Variants in OSBP observed in about 807,000 individuals in gnomAD.
OSBP encodes oxysterol binding protein.
In OSBP, 32 loss-of-function variants were observed where a neutral mutation model predicts 96.6. That is an observed-to-expected ratio of 0.33 (90% CI 0.25 to 0.45). OSBP has a LOEUF of 0.45. Among genes scored for constraint, OSBP ranks in the 20% least tolerant of loss-of-function variants. The probability of loss-of-function intolerance (pLI) is 1.00; values close to 1 mark genes in which losing one functional copy is unlikely to be tolerated. For synonymous variants in OSBP, 369 were observed against 389.6 expected (o/e 0.95, Z 0.62); for missense variants, 653 against 1,029.7 (o/e 0.63, Z 5.01).
At chr11:59,592,394 G>C (rs1262642988) in intron 9 of OSBP, among the ~76,000 whole-genome samples, 1 of 152,118 alleles carries the variant, frequency 6.6e-6, no homozygotes, top group African/African-American at 2.4e-5. Context: ...TGCTGCATTT[G>C]TGTTTCTGAG....
Position 59,594,100 on chromosome 11 carries a change from G to T in OSBP, c.1467C>A (p.Phe489Leu). ...GTGGGTTGAATGGCTTACTGGTGCGGAAGACAGTAGTGGAGTAGGAGGACA... is the reference window on the plus strand; with the variant it reads ...GTGGGTTGAATGGCTTACTGGTGCGTAAGACAGTAGTGGAGTAGGAGGACA... ...FTVSSYSTTV[F>L]RTSKPFNPLL... The change falls in exon 8 of 14, where the codon TTC becomes TTA. Residue 489 changes from phenylalanine (F) to leucine (L), a missense_variant. Physicochemically the swap from Phe to Leu is conservative, Grantham distance 22. Transcript: ENST00000263847. 1 of 1,614,124 alleles carries T rather than the reference G, an allele frequency of 6.2e-7. No individual in the cohort carries two copies. The highest frequency in any genetic ancestry group is 8.5e-7 in the Non-Finnish European group (1 of 1,180,004).
rs1860365187 is a variant in OSBP, at chr11:59,576,697, C to A, written c.2304G>T (p.Lys768Asn). Reference protein sequence around the residue: ...TEDGTPYDPYKALWFERKKDP... With the variant: ...TEDGTPYDPYNALWFERKKDP... ...CCTTCTTCCGCTCAAACCACAGTGC[C>A]TTATAGGGATCATATGGTGTGCCTA... The change falls in exon 14 of 14, where the codon AAG becomes AAT. Residue 768 changes from lysine (K) to asparagine (N), a missense_variant. By Grantham distance (94) the Lys-to-Asn change is moderately conservative. Around this residue, in one of 6 missense-constraint regions of OSBP, gnomAD observed 169 missense variants for 251.5 expected, o/e 0.67. Transcript: ENST00000263847. The A allele has an allele frequency of 6.2e-7, 1 of 1,613,902 alleles. No homozygotes were observed. Among genetic ancestry groups the A allele is most frequent in the Non-Finnish European group, 8.5e-7 (1 of 1,179,986 alleles).
intron 9 of OSBP, among the ~76,000 whole-genome samples, chr11:59,588,991 C>T (rs1021554446): frequency 6.6e-6 from 1 of 150,994 alleles, no homozygotes; most frequent in Non-Finnish European, 1.5e-5. Flanking sequence ...GGTGACAGAG[C>T]GAGACTCCGT....
At chr11:59,578,981 C>A (rs779145625) in intron 11 of OSBP, among the ~76,000 whole-genome samples, 8 of 152,178 alleles carry the variant, frequency 5.3e-5, no homozygotes, top group Non-Finnish European at 1.0e-4. Context: ...TTATTTTTGA[C>A]TGTAGTCACC....
At chr11:59,603,529 GTT>G (rs370609645) in intron 3 of OSBP, among the ~76,000 whole-genome samples, 3,450 of 86,400 alleles carry the variant, frequency 0.04, 23 homozygotes, top group Non-Finnish European at 0.044. Flanking sequence ...ATCACCTTCA[GTT>G]TTTTTTTTTT....
intron 2 of OSBP, among the ~76,000 whole-genome samples, chr11:59,609,505 A>C (rs1014224551): frequency 1.3e-5 from 2 of 152,098 alleles, no homozygotes; most frequent in Admixed American, 1.3e-4. Context: ...AAAAAAGACA[A>C]AAGACCTGTC....
intron 9 of OSBP, among the ~76,000 whole-genome samples, chr11:59,582,291 C>T (rs1341923425): frequency 6.6e-6 from 1 of 152,186 alleles, no homozygotes; most frequent in East Asian, 1.9e-4. Context: ...GGTCAACTTC[C>T]TGACCTCTGG....
rs892284864 is a variant in OSBP at position 59,576,475 on chromosome 11, A to T, written c.*102T>A. On this transcript the variant is annotated 3_prime_UTR_variant, in exon 14 of 14. Transcript: ENST00000263847. ...AAAAATGATTGGTCAAGAGAGACAA[A>T]CTTGAGGAAAGCACTTGGTAAGAGA... 6.1e-6 allele frequency: 8 copies of T among 1,309,184 alleles called. No homozygotes were observed. The African/African-American group carries it at 1.2e-4, about 19-fold the overall frequency. The allele number at this position is 1,309,184 out of a possible 1,614,324, so 81.1% of individuals were successfully genotyped here. A position where few individuals can be genotyped will look rare whatever the true frequency, so the allele number is the denominator to read the frequency against.
intron 11 of OSBP, among the ~76,000 whole-genome samples, 178 bp downstream of exon 11, chr11:59,579,996 G>C (rs1319104562): frequency 1.3e-5 from 2 of 152,096 alleles, no homozygotes; most frequent in Non-Finnish European, 2.9e-5. Flanking sequence ...ACAGCTGTGA[G>C]CCACCGCGCC....
At chr11:59,614,059 T>G (rs1860888598) in intron 1 of OSBP, among the ~76,000 whole-genome samples, 1 of 152,232 alleles carries the variant, frequency 6.6e-6, no homozygotes, top group South Asian at 2.1e-4. Context: ...TCAATTGGAA[T>G]GTCATTAAGC....
chr11:59,590,289 G>A (rs992916147), intron 9 of OSBP, among the ~76,000 whole-genome samples: 2 of 152,166 alleles, frequency 1.3e-5, no homozygotes, highest in African/African-American at 4.8e-5. Flanking sequence ...AGACCTCAGT[G>A]AGACTATTAG....
chr11:59,615,005 G>A (rs954193611), intron 1 of OSBP, among the ~76,000 whole-genome samples: 5 of 152,222 alleles, frequency 3.3e-5, no homozygotes, highest in Admixed American at 6.5e-5. Flanking sequence ...CCATGTGCTG[G>A]TGGAAATACA....
At chr11:59,610,680 G>A in intron 1 of OSBP, 91 bp from the exon 2 acceptor site, 4 of 1,036,544 alleles carry the variant, frequency 3.9e-6, no homozygotes, top group Non-Finnish European at 5.9e-6. Flanking sequence ...TGAGCTCCCT[G>A]AAAATATGAC....
At position 59,600,632 on chromosome 11, in the gene OSBP, G is replaced by A. The variant is rs1183097547; in HGVS notation, c.1180-5C>T. The A allele has an allele frequency of 6.8e-6, 11 of 1,611,924 alleles. No homozygotes were observed. Among genetic ancestry groups the A allele is most frequent in the Non-Finnish European group, 9.3e-6 (11 of 1,179,684 alleles). On this transcript the variant is annotated splice_polypyrimidine_tract_variant and splice_region_variant and intron_variant, in intron 6 of 13. Coordinates refer to ENST00000263847, the MANE Select transcript of OSBP (RefSeq NM_002556.3). ...CTCCTCCAGCTGATGCTTGTACTGA[G>A]AGCAAAACAAAGCCATTCAACCACC...
chr11:59,610,448 C>G lies in OSBP; in HGVS notation c.504G>C (p.Glu168Asp). The change falls in exon 2 of 14, where the codon GAG becomes GAC. Residue 168 changes from glutamate to aspartate, a missense_variant. Around this residue, in one of 6 missense-constraint regions of OSBP, gnomAD observed 308 missense variants for 573.1 expected, o/e 0.54. Transcript: ENST00000263847. The part of the protein sequence containing the change: ...TYHLKASSEV[E>D]RQRWVTALEL... ...CCAGGGCCGTCACCCAGCGCTGCCG[C>G]TCAACTTCTGAACTAGCTTTCAGAT... 1 of 1,614,190 alleles carries G rather than the reference C, an allele frequency of 6.2e-7. No homozygotes were observed. Among genetic ancestry groups the G allele is most frequent in the Non-Finnish European group, 8.5e-7 (1 of 1,180,034 alleles).
At chr11:59,605,093 C>T (rs981373927) in intron 3 of OSBP, among the ~76,000 whole-genome samples, 1 of 151,056 alleles carries the variant, frequency 6.6e-6, no homozygotes, top group Non-Finnish European at 1.5e-5. Context: ...GCGGAGGTTA[C>T]AGTGAGCTGA....
chr11:59,580,641 G>A (rs887341358), intron 10 of OSBP, among the ~76,000 whole-genome samples: 66 of 151,758 alleles, frequency 4.3e-4, no homozygotes, highest in African/African-American at 1.5e-3. Flanking sequence ...ACATATGGTC[G>A]GCCTTTCTAT....
At chr11:59,586,038 G>A (rs868640432) in intron 9 of OSBP, among the ~76,000 whole-genome samples, 16 of 152,024 alleles carry the variant, frequency 1.1e-4, no homozygotes, top group East Asian at 1.9e-4. Context: ...GTGGAAGGCC[G>A]CGGGGTCCTC....
chr11:59,581,702 T>C, intron 9 of OSBP, 148 bp from the exon 10 acceptor site: 1 of 520,096 alleles, frequency 1.9e-6, no homozygotes, highest in Non-Finnish European at 3.6e-6. Flanking sequence ...TTACACTTTC[T>C]TAAATGTTGG....
Sources: allele counts gnomAD v4.1 joint callset (sites outside exome capture counted in the v4.1 genomes callset), GRCh38; gene constraint gnomAD v4.1.1; regional missense constraint gnomAD v4.1.1; transcripts MANE v1.5; gene names NCBI Gene and HGNC (gene_info 2026-07-23, HGNC 2026-07-21).